The following ITGBL1 variants were observed in gnomAD, a reference collection of about 807,000 sequenced individuals.
ITGBL1 encodes integrin subunit beta like 1.
ITGBL1 carries 51 observed loss-of-function variants against 68.5 expected under a neutral mutation model. That is an observed-to-expected ratio of 0.74 (90% CI 0.59 to 0.94). The LOEUF (loss-of-function observed/expected upper bound fraction) is 0.94, where lower values mean the gene tolerates loss of function less well. ITGBL1 is among the 40% of genes least tolerant of loss of function. The pLI is 0.00. For synonymous variants in ITGBL1, 209 were observed against 227.3 expected (o/e 0.92, Z 0.72); for missense variants, 649 against 647.4 (o/e 1.00, Z -0.03).
intron 7 of ITGBL1, among the ~76,000 whole-genome samples, chr13:101,611,007 G>T (rs558364970): frequency 4.4e-4 from 67 of 152,208 alleles, no homozygotes; most frequent in African/African-American, 1.3e-3. Flanking sequence ...GAGTTATGAT[G>T]GGAATAATGT....
At chr13:101,642,198 A>G (rs2139432538) in intron 7 of ITGBL1, among the ~76,000 whole-genome samples, 1 of 151,924 alleles carries the variant, frequency 6.6e-6, no homozygotes, top group East Asian at 1.9e-4. Flanking sequence ...AAGTGTTCCT[A>G]TTTCTCCACA....
At chr13:101,474,283 T>C (rs140311150) in intron 2 of ITGBL1, among the ~76,000 whole-genome samples, 244 of 152,072 alleles carry the variant, frequency 1.6e-3, no homozygotes, top group African/African-American at 5.4e-3. Context: ...TGAGTGAACA[T>C]TGGTACCAAG....
At chr13:101,615,396 G>T (rs1420988497) in intron 7 of ITGBL1, among the ~76,000 whole-genome samples, 1 of 152,102 alleles carries the variant, frequency 6.6e-6, no homozygotes. Context: ...TACCCTCTTA[G>T]GGGAAATCAA....
rs1340544870 is a variant in ITGBL1 at position 101,539,401 on chromosome 13, A to G, written c.317-28298A>G. On this transcript the variant is annotated intron_variant, in intron 2 of 10. Transcript: ENST00000376180. ...ATGAACTCATCATTTTTATGGCTGC[A>G]TAGTATTCCATGGTGTATATGTGCC... 3.3e-5 allele frequency among the ~76,000 whole-genome samples: 5 copies of G among 152,194 alleles called. No individual in the cohort carries two copies. In the South Asian group the frequency reaches 8.3e-4, roughly 25 times the overall value.
At chr13:101,521,016 A>T (rs1247062026) in intron 2 of ITGBL1, among the ~76,000 whole-genome samples, 1 of 152,188 alleles carries the variant, frequency 6.6e-6, no homozygotes, top group African/African-American at 2.4e-5. Flanking sequence ...GAGAGACAGG[A>T]TTTTGACAGA....
chr13:101,584,368 A>T (rs1452366488), intron 6 of ITGBL1, among the ~76,000 whole-genome samples: 1 of 152,218 alleles, frequency 6.6e-6, no homozygotes, highest in Non-Finnish European at 1.5e-5. Flanking sequence ...ATGGAGTTAT[A>T]GATTTTCAGT....
At chr13:101,503,969 T>C (rs1460194431) in intron 2 of ITGBL1, among the ~76,000 whole-genome samples, 1 of 152,164 alleles carries the variant, frequency 6.6e-6, no homozygotes, top group Non-Finnish European at 1.5e-5. Flanking sequence ...ACTTTGATGG[T>C]TTTAGGCTAA....
chr13:101,713,201 CAT>C (rs1379256482), intron 9 of ITGBL1: 12 of 152,190 alleles, frequency 7.9e-5, no homozygotes, highest in Admixed American at 7.2e-4. Flanking sequence ...TGAAATATCA[CAT>C]AGTTGAGACA....
chr13:101,664,809 C>T (rs2033174181), intron 7 of ITGBL1, among the ~76,000 whole-genome samples: 2 of 152,248 alleles, frequency 1.3e-5, no homozygotes, highest in South Asian at 4.1e-4. Flanking sequence ...TCTCAGCTCA[C>T]TGCAACCTCT....
chr13:101,484,938 A>G (rs2048679485), intron 2 of ITGBL1, among the ~76,000 whole-genome samples: 1 of 152,168 alleles, frequency 6.6e-6, no homozygotes, highest in Non-Finnish European at 1.5e-5. Context: ...TCAAAATTAA[A>G]TTGCTCAAAA....
chr13:101,713,692 A>G (rs562816485), intron 9 of ITGBL1: 170 of 152,296 alleles, frequency 1.1e-3, no homozygotes, highest in African/African-American at 3.9e-3. Context: ...TTTTAAATAT[A>G]TCATTAATAA....
At chr13:101,624,986 T>G (rs2031720324) in intron 7 of ITGBL1, among the ~76,000 whole-genome samples, 1 of 152,212 alleles carries the variant, frequency 6.6e-6, no homozygotes, top group Non-Finnish European at 1.5e-5. Context: ...TATTCAGAGA[T>G]AATGCTTCTG....
intron 2 of ITGBL1, among the ~76,000 whole-genome samples, chr13:101,490,271 G>A (rs2048757306): frequency 6.6e-6 from 1 of 152,188 alleles, no homozygotes; most frequent in Non-Finnish European, 1.5e-5. Context: ...AAGCCAGGAA[G>A]AGAGCCCTCA....
chr13:101,706,283 TAAACTA>T (rs1393980759), intron 8 of ITGBL1, among the ~76,000 whole-genome samples: 2 of 152,172 alleles, frequency 1.3e-5, no homozygotes, highest in African/African-American at 2.4e-5. Context: ...GGTATACAGA[TAAACTA>T]ATATAGTACC....
intron 7 of ITGBL1, among the ~76,000 whole-genome samples, chr13:101,677,505 G>A (rs2033534041): frequency 1.3e-5 from 2 of 152,012 alleles, no homozygotes; most frequent in South Asian, 4.2e-4. Context: ...AAATAGGGAG[G>A]ATCATTATTT....
At chr13:101,461,321 C>T (rs778414528) in intron 2 of ITGBL1, among the ~76,000 whole-genome samples, 1 of 152,168 alleles carries the variant, frequency 6.6e-6, no homozygotes, top group Non-Finnish European at 1.5e-5. Flanking sequence ...CTGCTCAGCT[C>T]TCTGAGCCTC....
intron 8 of ITGBL1, among the ~76,000 whole-genome samples, chr13:101,695,128 T>C (rs1321684661): frequency 6.6e-6 from 1 of 152,174 alleles, no homozygotes; most frequent in Non-Finnish European, 1.5e-5. Context: ...GGATTTAACA[T>C]AGGCTGAAGG....
At chr13:101,695,981 G>T (rs1225097134) in intron 8 of ITGBL1, among the ~76,000 whole-genome samples, 1 of 152,202 alleles carries the variant, frequency 6.6e-6, no homozygotes, top group Non-Finnish European at 1.5e-5. Context: ...CTCCTTGAAA[G>T]CTGTTTACGG....
At chr13:101,531,692 T>TTTATTTTG (rs1337429957) in intron 2 of ITGBL1, among the ~76,000 whole-genome samples, 1 of 131,734 alleles carries the variant, frequency 7.6e-6, no homozygotes, top group African/African-American at 2.9e-5. Flanking sequence ...TTTTATTTTT[T>TTTATTTTG]TTATTTTGTT....
Sources: gnomAD v4.1 joint callset for allele counts (sites outside exome capture counted in the v4.1 genomes callset) on GRCh38, gnomAD v4.1.1 for gene constraint, MANE v1.5 for transcripts, NCBI Gene and HGNC (gene_info 2026-07-23, HGNC 2026-07-21) for gene names.